LOC400499: variants seen among roughly 807,000 people sequenced by gnomAD.
At chr16:11,519,118 G>A in the LOC400499 span, 1 of 396,828 alleles carries the variant, frequency 2.5e-6, no homozygotes, top group Non-Finnish European at 4.4e-6. Flanking sequence ...CCTTGACCAG[G>A]TACCAAGCCT....
the LOC400499 span, among the ~76,000 whole-genome samples, chr16:11,503,046 C>T: frequency 6.6e-6 from 1 of 151,360 alleles, no homozygotes; most frequent in Non-Finnish European, 1.5e-5. Flanking sequence ...CTCAGCCTCC[C>T]GTGTAGCTGG....
At chr16:11,524,617 C>T in the LOC400499 span, among the ~76,000 whole-genome samples, 1 of 152,168 alleles carries the variant, frequency 6.6e-6, no homozygotes, top group Non-Finnish European at 1.5e-5. Context: ...CTCCCACCAT[C>T]GAAGGGGCAG....
At chr16:11,402,396 G>A in the LOC400499 span, 1 of 375,096 alleles carries the variant, frequency 2.7e-6, no homozygotes. Flanking sequence ...ATGAGACTCT[G>A]AGGCTCCTCC....
At chr16:11,524,884 C>CCATT in the LOC400499 span, among the ~76,000 whole-genome samples, 32 of 152,318 alleles carry the variant, frequency 2.1e-4, no homozygotes, top group African/African-American at 7.2e-4. Context: ...TCATCTGCAG[C>CCATT]CATTTCCATA....
the LOC400499 span, among the ~76,000 whole-genome samples, chr16:11,394,074 G>T: frequency 6.6e-6 from 1 of 152,184 alleles, no homozygotes; most frequent in Non-Finnish European, 1.5e-5. Flanking sequence ...TTGGTGTTGG[G>T]GGCCCCGGGC....
chr16:11,425,127 G>C, the LOC400499 span: 1 of 398,912 alleles, frequency 2.5e-6, no homozygotes. Context: ...CGTCCTACCT[G>C]CATCACTCAG....
the LOC400499 span, among the ~76,000 whole-genome samples, chr16:11,409,335 T>C: frequency 3.3e-5 from 5 of 151,814 alleles, no homozygotes; most frequent in Non-Finnish European, 7.4e-5. Context: ...AGAAGGAAAA[T>C]ATTCTAGATC....
At chr16:11,436,041 G>C in the LOC400499 span, among the ~76,000 whole-genome samples, 1 of 152,192 alleles carries the variant, frequency 6.6e-6, no homozygotes, top group African/African-American at 2.4e-5. Context: ...GACAGAGGGA[G>C]GAATGGGGGA....
the LOC400499 span, among the ~76,000 whole-genome samples, chr16:11,468,332 C>A: frequency 6.6e-6 from 1 of 152,052 alleles, no homozygotes; most frequent in Non-Finnish European, 1.5e-5. Flanking sequence ...ATTCTGAATT[C>A]TTTTTTTGAG....
the LOC400499 span, chr16:11,384,845 G>C: frequency 8.1e-7 from 1 of 1,231,264 alleles, no homozygotes; most frequent in South Asian, 4.1e-5. Context: ...ATCCCAAAGA[G>C]TCCGCTGTAG....
the LOC400499 span, among the ~76,000 whole-genome samples, chr16:11,397,570 G>A: frequency 1.3e-5 from 2 of 152,282 alleles, no homozygotes; most frequent in East Asian, 3.9e-4. Flanking sequence ...ACCGCACCCG[G>A]CTTGTAAATA....
chr16:11,416,455 C>T, the LOC400499 span, among the ~76,000 whole-genome samples: 1 of 152,170 alleles, frequency 6.6e-6, no homozygotes, highest in Non-Finnish European at 1.5e-5. Context: ...TCCTCATCTG[C>T]AGAATGGGAA....
At chr16:11,380,844 T>A in the LOC400499 span, 1 of 152,650 alleles carries the variant, frequency 6.6e-6, no homozygotes, top group South Asian at 2.1e-4. Flanking sequence ...AACGAGCACT[T>A]CTGCTTGATA....
At chr16:11,460,328 G>A in the LOC400499 span, 4 of 1,059,688 alleles carry the variant, frequency 3.8e-6, no homozygotes, top group African/African-American at 3.2e-5. Context: ...ATAAGACTGA[G>A]ACTGAAGTTC....
At chr16:11,452,544 G>A in the LOC400499 span, among the ~76,000 whole-genome samples, 2 of 152,252 alleles carry the variant, frequency 1.3e-5, no homozygotes, top group African/African-American at 4.8e-5. Context: ...GCCCCTCAAA[G>A]TGAATGGGGA....
At chr16:11,382,367 C>G in the LOC400499 span, among the ~76,000 whole-genome samples, 2 of 152,200 alleles carry the variant, frequency 1.3e-5, no homozygotes, top group African/African-American at 4.8e-5. Flanking sequence ...GCATCTGAAG[C>G]TCTTGGAAGC....
At chr16:11,390,322 G>C in the LOC400499 span, 15 of 1,233,022 alleles carry the variant, frequency 1.2e-5, no homozygotes, top group Non-Finnish European at 1.5e-5. Context: ...CGCCCTGATG[G>C]GCCTTGGACC....
chr16:11,494,345 TG>T, the LOC400499 span, among the ~76,000 whole-genome samples: 1 of 91,704 alleles, frequency 1.1e-5, no homozygotes, highest in Non-Finnish European at 2.2e-5. Context: ...CACTCAGTGG[TG>T]TTGGGGGGCA....
chr16:11,430,580 T>C, the LOC400499 span, among the ~76,000 whole-genome samples: 3 of 152,144 alleles, frequency 2.0e-5, no homozygotes, highest in African/African-American at 4.8e-5. Flanking sequence ...TATACATACA[T>C]ATAGAGAGAA....
Sources: gnomAD v4.1 joint callset for allele counts (sites outside exome capture counted in the v4.1 genomes callset) on GRCh38, gnomAD v4.1.1 for gene constraint, MANE v1.5 for transcripts.